Variants in NCS1 observed in about 807,000 individuals in gnomAD.
The protein encoded by NCS1 is frequenin homolog.
A neutral mutation model predicts 28.4 loss-of-function variants in NCS1; 6 were observed. That is an observed-to-expected ratio of 0.21 (90% CI 0.12 to 0.42). The LOEUF is 0.42. NCS1 is among the 10% of genes least tolerant of loss of function. NCS1 has a pLI of 1.00. For missense variants in NCS1, 131 were observed against 241.4 expected (o/e 0.54, Z 3.03); for synonymous variants, 86 against 99.3 (o/e 0.87, Z 0.79).
chr9:130,229,177 C>A (rs1165062984), intron 7 of NCS1, among the ~76,000 whole-genome samples: 2 of 151,660 alleles, frequency 1.3e-5, no homozygotes, highest in Non-Finnish European at 2.9e-5. Context: ...TGAACACTTA[C>A]AAAACTTAAC....
chr9:130,172,750 C>A, intron 1 of NCS1, 23 bp downstream of exon 1: 1 of 1,424,814 alleles, frequency 7.0e-7, no homozygotes, highest in Admixed American at 2.2e-5. Context: ...AGCCCCCAGC[C>A]CGCGCCCCGC....
chr9:130,203,723 G>A lies in NCS1; in HGVS notation c.89+2741G>A, dbSNP rs115718520. On this transcript the variant is annotated intron_variant, in intron 2 of 7. Transcript: ENST00000372398. ...GGACGAGGTTTGTGTTTGAGAGATG[G>A]GGATGCTTCCCAAGCACCGCTGTGA... Among the ~76,000 whole-genome samples the A allele has an allele frequency of 6.5e-3, 990 of 152,284 alleles. 15 individuals carry two copies. Among genetic ancestry groups the A allele is most frequent in the African/African-American group, 0.023 (945 of 41,556 alleles).
intron 2 of NCS1, among the ~76,000 whole-genome samples, chr9:130,213,544 G>C (rs112608668): frequency 6.6e-6 from 1 of 151,894 alleles, no homozygotes; most frequent in Non-Finnish European, 1.5e-5. Flanking sequence ...CTCCCAAAGT[G>C]CTGGGATTAC....
chr9:130,224,181 G>A (rs1554911040), intron 6 of NCS1, among the ~76,000 whole-genome samples: 2 of 149,980 alleles, frequency 1.3e-5, no homozygotes, highest in African/African-American at 4.9e-5. Flanking sequence ...AAAGCCAGGT[G>A]TGGTGGCTCA....
rs116345730 is a variant in NCS1, at chr9:130,209,140, C to T, written c.89+8158C>T. On this transcript the variant is annotated intron_variant, in intron 2 of 7. Transcript: ENST00000372398. The surrounding 1 kb of genome is among the most constrained non-coding windows in gnomAD (Gnocchi z 4.4). ...TGGGAGAATAATTTGCCGAGGCTGCCGCTGCGCCCATCCCCGCTGCGCCTG... is the reference window on the plus strand; with the variant it reads ...TGGGAGAATAATTTGCCGAGGCTGCTGCTGCGCCCATCCCCGCTGCGCCTG... Among the ~76,000 whole-genome samples the T allele has an allele frequency of 3.3e-3, 499 of 152,246 alleles. 2 individuals are homozygous for T. The highest frequency in any genetic ancestry group is 0.011 in the African/African-American group (451 of 41,532).
chr9:130,180,336 G>A lies in NCS1; in HGVS notation c.64+7609G>A, dbSNP rs1201810689. Among the ~76,000 whole-genome samples the A allele has an allele frequency of 2.0e-5, 3 of 152,092 alleles. No individual in the cohort carries two copies. Among genetic ancestry groups the A allele is most frequent in the Non-Finnish European group, 4.4e-5 (3 of 68,020 alleles). On this transcript the variant is annotated intron_variant, in intron 1 of 7. Transcript: ENST00000372398. The surrounding 1 kb of genome is among the most constrained non-coding windows in gnomAD (Gnocchi z 4.5). ...GGCGTGAGCCACCACGCCTGGCCTA[G>A]GGATGTCTTGACTTCTTCACTGAGG... is the stretch of plus-strand genomic sequence containing the variant.
At chr9:130,227,439 A>G (rs1050112413) in intron 7 of NCS1, among the ~76,000 whole-genome samples, 4 of 152,214 alleles carry the variant, frequency 2.6e-5, no homozygotes, top group Non-Finnish European at 5.9e-5. Context: ...GCTGGGACAT[A>G]GGATATGTGT....
rs782230096 is a variant in NCS1 at position 130,186,594 on chromosome 9, C to T, written c.64+13867C>T. Among the ~76,000 whole-genome samples the T allele has an allele frequency of 6.6e-6, 1 of 152,134 alleles. No individual in the cohort carries two copies. The highest frequency in any genetic ancestry group is 1.5e-5 in the Non-Finnish European group (1 of 68,028). Reference sequence around the variant, plus strand: ...GTCCTCACCTTCCAGGGCTCCCGAACCCCCAGCCCCAGGAAGGGGTGGGAG... The same window carrying T: ...GTCCTCACCTTCCAGGGCTCCCGAATCCCCAGCCCCAGGAAGGGGTGGGAG... On this transcript the variant is annotated intron_variant, in intron 1 of 7. Transcript: ENST00000372398. This position sits in a 1 kb window ranked among gnomAD's most constrained non-coding sequence, Gnocchi z 4.1.
rs190293770 is a variant in NCS1 at position 130,176,895 on chromosome 9, C to A, written c.64+4168C>A. ...TGCATCCCCTTAAAGGCTTCTGAGG[C>A]CACTGCAGGCCCAAGCCAGCCAGGC... On this transcript the variant is annotated intron_variant, in intron 1 of 7. Coordinates refer to ENST00000372398, the MANE Select transcript of NCS1 (RefSeq NM_014286.4). 2.0e-5 allele frequency among the ~76,000 whole-genome samples: 3 copies of A among 152,330 alleles called. No homozygotes were observed. The East Asian group carries it at 5.8e-4, about 29-fold the overall frequency.
rs1832588288 is a variant in NCS1, at chr9:130,177,441, G to C, written c.64+4714G>C. 6.6e-6 allele frequency among the ~76,000 whole-genome samples: 1 copy of C among 152,132 alleles called. No individual in the cohort carries two copies. Among genetic ancestry groups the C allele is most frequent in the Non-Finnish European group, 1.5e-5 (1 of 67,996 alleles). ...CATGGAGGGCCCACAGCCAGGCACAGGGTGAGCCACAAGGAGAGGAAAGGA... is the reference window on the plus strand; with the variant it reads ...CATGGAGGGCCCACAGCCAGGCACACGGTGAGCCACAAGGAGAGGAAAGGA... On this transcript the variant is annotated intron_variant, in intron 1 of 7. Coordinates refer to ENST00000372398, the MANE Select transcript of NCS1 (RefSeq NM_014286.4). This position sits in a 1 kb window ranked among gnomAD's most constrained non-coding sequence, Gnocchi z 4.4.
chr9:130,197,981 AAAAGGCCCTCC>A (rs1832897104), intron 1 of NCS1, among the ~76,000 whole-genome samples: 1 of 151,736 alleles, frequency 6.6e-6, no homozygotes, highest in African/African-American at 2.4e-5. Context: ...AAAAAAAAAA[AAAAGGCCCTCC>A]AAGGCCCCAG....
intron 2 of NCS1, among the ~76,000 whole-genome samples, chr9:130,204,136 G>A (rs1554907796): frequency 2.0e-5 from 3 of 152,042 alleles, no homozygotes; most frequent in Non-Finnish European, 4.4e-5. Context: ...GGGATTACAG[G>A]TGCACACCAC....
At position 130,231,221 on chromosome 9, in the gene NCS1, G is replaced by T. The variant is rs1321230143; in HGVS notation, c.*18-1769G>T. On this transcript the variant is annotated intron_variant, in intron 7 of 7. Coordinates refer to ENST00000372398, the MANE Select transcript of NCS1 (RefSeq NM_014286.4). ...CAAAAATTAGCTGGGTGTGGTGGCG[G>T]GTGCCTGTAGTCCCACCTACTTAGG... is the stretch of plus-strand genomic sequence containing the variant. 2.0e-5 allele frequency among the ~76,000 whole-genome samples: 3 copies of T among 151,788 alleles called. No individual in the cohort carries two copies. The East Asian group carries it at 5.8e-4, about 30-fold the overall frequency.
chr9:130,192,725 G>A lies in NCS1; in HGVS notation c.65-8233G>A, dbSNP rs546903952. On this transcript the variant is annotated intron_variant, in intron 1 of 7. Coordinates refer to ENST00000372398, the MANE Select transcript of NCS1 (RefSeq NM_014286.4). This position sits in a 1 kb window ranked among gnomAD's most constrained non-coding sequence, Gnocchi z 4.8. Reference sequence around the variant, plus strand: ...TGACTCCAGGGAGGTTCTCCCCCAGGAGCCGGTGCTGCAGTGAGTGGGGGG... The same window carrying A: ...TGACTCCAGGGAGGTTCTCCCCCAGAAGCCGGTGCTGCAGTGAGTGGGGGG... 9.4e-4 allele frequency among the ~76,000 whole-genome samples: 143 copies of A among 152,236 alleles called. No individual in the cohort carries two copies. Among genetic ancestry groups the A allele is most frequent in the Non-Finnish European group, 1.6e-3 (107 of 68,002 alleles).
intron 7 of NCS1, among the ~76,000 whole-genome samples, chr9:130,229,013 T>A (rs560116410): frequency 2.0e-3 from 298 of 152,104 alleles, no homozygotes; most frequent in African/African-American, 6.9e-3. Context: ...TATTATTATT[T>A]TTCACAAGAA....
rs781975550 is a variant in NCS1, at chr9:130,192,695, C to T, written c.65-8263C>T. Among the ~76,000 whole-genome samples, 3 of 152,130 alleles carry T rather than the reference C, an allele frequency of 2.0e-5. No individual in the cohort carries two copies. The highest frequency in any genetic ancestry group is 4.4e-5 in the Non-Finnish European group (3 of 68,018). On this transcript the variant is annotated intron_variant, in intron 1 of 7. Transcript: ENST00000372398. This position sits in a 1 kb window ranked among gnomAD's most constrained non-coding sequence, Gnocchi z 4.8. ...GGCCTTCTGAAATCACCTGATGCTG[C>T]CGTGTGACTCCAGGGAGGTTCTCCC...
intron 2 of NCS1, among the ~76,000 whole-genome samples, chr9:130,214,127 T>C (rs782349174): frequency 2.0e-5 from 3 of 152,160 alleles, no homozygotes; most frequent in Non-Finnish European, 4.4e-5. Context: ...GGGCCTACAT[T>C]CCGGTGGGGG....
chr9:130,196,011 AG>A (rs1200496400), intron 1 of NCS1, among the ~76,000 whole-genome samples: 1 of 151,764 alleles, frequency 6.6e-6, no homozygotes, highest in African/African-American at 2.4e-5. Flanking sequence ...CTCTGGGAGG[AG>A]GGGGAAAATG....
chr9:130,202,237 G>A (rs1554907527), intron 2 of NCS1, among the ~76,000 whole-genome samples: 1 of 152,128 alleles, frequency 6.6e-6, no homozygotes, highest in East Asian at 1.9e-4. Context: ...TTTACCCTCT[G>A]GCCAGCCTGA....
Sources: allele counts gnomAD v4.1 joint callset (sites outside exome capture counted in the v4.1 genomes callset), GRCh38; gene constraint gnomAD v4.1.1; non-coding constraint Gnocchi (gnomAD v3.1); transcripts MANE v1.5; gene names NCBI Gene and HGNC (gene_info 2026-07-23, HGNC 2026-07-21).